The following AP3S2 variants were observed in gnomAD, a reference collection of about 807,000 sequenced individuals.
AP3S2 encodes AP-3 complex subunit sigma-2.
A neutral mutation model predicts 23.4 loss-of-function variants in AP3S2; 22 were observed. That is an observed-to-expected ratio of 0.94 (90% CI 0.67 to 1.34). AP3S2 has a LOEUF of 1.34. AP3S2 is among the 40% of genes most tolerant of loss of function. The pLI is 0.00. For synonymous variants in AP3S2, 86 were observed against 87.1 expected, an observed-to-expected ratio of 0.99 and a Z score of 0.07; for missense variants, 241 against 236.9, an observed-to-expected ratio of 1.02 and a Z score of -0.11.
At chr15:89,889,964 A>G (rs1896783031) in intron 1 of AP3S2, among the ~76,000 whole-genome samples, 1 of 152,054 alleles carries the variant, frequency 6.6e-6, no homozygotes, top group South Asian at 2.1e-4. Flanking sequence ...TACTGGTAAT[A>G]TAGATACTAC....
intron 4 of AP3S2, among the ~76,000 whole-genome samples, chr15:89,858,173 C>T (rs1895885768): frequency 6.6e-6 from 1 of 152,016 alleles, no homozygotes. Flanking sequence ...TGTGGTGGCT[C>T]ACACCTGCAA....
intron 3 of AP3S2, among the ~76,000 whole-genome samples, chr15:89,875,882 T>A (rs1896431526): frequency 6.6e-6 from 1 of 151,844 alleles, no homozygotes; most frequent in African/African-American, 2.4e-5. Flanking sequence ...GAGACAGAGG[T>A]TACAGTGAGC....
chr15:89,871,997 A>C (rs1260752993), intron 3 of AP3S2, among the ~76,000 whole-genome samples: 3 of 152,048 alleles, frequency 2.0e-5, no homozygotes, highest in Non-Finnish European at 2.9e-5. Flanking sequence ...TTATAGTCCC[A>C]GCTACTTGGG....
chr15:89,841,551 G>T (rs984834439), intron 4 of AP3S2, among the ~76,000 whole-genome samples: 4 of 152,216 alleles, frequency 2.6e-5, no homozygotes, highest in African/African-American at 4.8e-5. Flanking sequence ...CTGAAGTTGA[G>T]GCTAAATGAG....
chr15:89,839,931 G>C (rs1344868936), intron 4 of AP3S2, among the ~76,000 whole-genome samples: 1 of 151,856 alleles, frequency 6.6e-6, no homozygotes, highest in Non-Finnish European at 1.5e-5. Context: ...GAACCTTGAA[G>C]ATACTATAAG....
chr15:89,839,244 C>A (rs1310433704), intron 4 of AP3S2, among the ~76,000 whole-genome samples: 5 of 152,212 alleles, frequency 3.3e-5, no homozygotes, highest in Non-Finnish European at 5.9e-5. Context: ...CTTCTGACAT[C>A]TGAAGTTCTC....
Position 89,835,342 on chromosome 15 carries a change from G to T in AP3S2, c.*173C>A. ...TGAGAACTGGGTGCACCCGAGCAGT[G>T]TCAATAGGAATCCCTTCCCTATTCC... is the stretch of plus-strand genomic sequence containing the variant. On this transcript the variant is annotated 3_prime_UTR_variant, in exon 6 of 6. Transcript: ENST00000336418. 1 of 1,149,306 alleles carries T rather than the reference G, an allele frequency of 8.7e-7. No homozygotes were observed. Among genetic ancestry groups the T allele is most frequent in the Non-Finnish European group, 1.2e-6 (1 of 821,398 alleles). 71.2% of individuals were successfully genotyped at this position (1,149,306 alleles called of 1,614,324 possible).
chr15:89,888,495 T>TGCCATCATTAGCTGAC (rs1380238280), intron 3 of AP3S2, 26 bp downstream of exon 3: 1 of 1,607,390 alleles, frequency 6.2e-7, no homozygotes, highest in African/African-American at 1.3e-5. Flanking sequence ...CTAAAGCTGC[T>TGCCATCATTAGCTGAC]GCCATCATTA....
At chr15:89,836,110 T>TC (rs1463845017) in intron 5 of AP3S2, among the ~76,000 whole-genome samples, 7 of 152,058 alleles carry the variant, frequency 4.6e-5, no homozygotes, top group Non-Finnish European at 8.8e-5. Context: ...GTTTTAACTT[T>TC]CCCCCCTTAT....
intron 1 of AP3S2, chr15:89,889,599 A>C (rs1358487766): frequency 6.2e-6 from 1 of 161,884 alleles, no homozygotes; most frequent in East Asian, 1.7e-4. Flanking sequence ...AAATTCCAGC[A>C]CTTTAGGAGG....
chr15:89,859,294 CTT>C (rs1376180370), intron 4 of AP3S2, among the ~76,000 whole-genome samples: 1 of 134,304 alleles, frequency 7.4e-6, no homozygotes, highest in African/African-American at 2.8e-5. Flanking sequence ...TTTTTCTTTT[CTT>C]TTTCTTCCTT....
At chr15:89,871,645 AT>A (rs2141881663) in intron 3 of AP3S2, 99 bp from the exon 4 acceptor site, 1 of 1,219,130 alleles carries the variant, frequency 8.2e-7, no homozygotes, top group African/African-American at 1.5e-5. Flanking sequence ...TCACAATACT[AT>A]TTACTTTATG....
intron 4 of AP3S2, among the ~76,000 whole-genome samples, chr15:89,862,935 C>T (rs1306411582): frequency 6.6e-6 from 1 of 151,796 alleles, no homozygotes; most frequent in African/African-American, 2.4e-5. Context: ...GCTTCAAGAC[C>T]TAGAACATGA....
At chr15:89,888,802 G>A (rs374680827) in intron 2 of AP3S2, 170 bp from the exon 3 acceptor site, 2 of 843,506 alleles carry the variant, frequency 2.4e-6, no homozygotes, top group African/African-American at 1.7e-5. Context: ...GGTACCTAAA[G>A]CCACCTTACC....
intron 3 of AP3S2, among the ~76,000 whole-genome samples, chr15:89,882,539 T>C (rs1410218597): frequency 6.6e-6 from 1 of 152,034 alleles, no homozygotes; most frequent in African/African-American, 2.4e-5. Context: ...GTATTTTTAG[T>C]AGAGACGGGG....
At chr15:89,870,461 A>G (rs1567183005) in intron 4 of AP3S2, among the ~76,000 whole-genome samples, 1 of 152,186 alleles carries the variant, frequency 6.6e-6, no homozygotes, top group Non-Finnish European at 1.5e-5. Flanking sequence ...GAGCCATGTC[A>G]GATGGTGAGA....
intron 4 of AP3S2, among the ~76,000 whole-genome samples, chr15:89,866,543 T>C (rs1896126547): frequency 6.6e-6 from 1 of 150,598 alleles, no homozygotes; most frequent in Admixed American, 6.7e-5. Flanking sequence ...TGAAGTGCAA[T>C]GGCATGATCT....
At chr15:89,843,010 G>C (rs1243729462) in intron 4 of AP3S2, among the ~76,000 whole-genome samples, 1 of 151,438 alleles carries the variant, frequency 6.6e-6, no homozygotes, top group South Asian at 2.1e-4. Context: ...TTGAGACAGA[G>C]TTTCACTCTT....
At chr15:89,880,556 C>T (rs950251765) in intron 3 of AP3S2, among the ~76,000 whole-genome samples, 1 of 151,808 alleles carries the variant, frequency 6.6e-6, no homozygotes, top group African/African-American at 2.4e-5. Flanking sequence ...CGCCTATAGT[C>T]CCACCTATTC....
Sources: allele counts gnomAD v4.1 joint callset (sites outside exome capture counted in the v4.1 genomes callset), GRCh38; gene constraint gnomAD v4.1.1; transcripts MANE v1.5; gene names NCBI Gene and HGNC (gene_info 2026-07-23, HGNC 2026-07-21).